Variants in ALCAM observed in about 807,000 individuals in gnomAD.
ALCAM encodes the protein CD166 antigen.
Under a neutral mutation model 70.9 loss-of-function variants are expected in ALCAM, and 30 were observed. That is an observed-to-expected ratio of 0.42 (90% CI 0.32 to 0.57). The LOEUF (loss-of-function observed/expected upper bound fraction) is 0.57. ALCAM is among the 20% of genes least tolerant of loss of function. ALCAM has a pLI of 0.11. For missense variants in ALCAM, 591 were observed against 695.1 expected (o/e 0.85, Z 1.68); for synonymous variants, 249 against 242.5 (o/e 1.03, Z -0.25).
intron 1 of ALCAM, among the ~76,000 whole-genome samples, chr3:105,392,915 T>A (rs1935860054): frequency 6.6e-6 from 1 of 151,960 alleles, no homozygotes; most frequent in Admixed American, 6.6e-5. Context: ...TCTTGAGTTC[T>A]AGTTTGATTG....
At chr3:105,537,086 C>T (rs1939988354) in intron 6 of ALCAM, among the ~76,000 whole-genome samples, 1 of 151,548 alleles carries the variant, frequency 6.6e-6, no homozygotes, top group Admixed American at 6.6e-5. Context: ...GAGTCCATTT[C>T]AAGAAAAAAA....
intron 1 of ALCAM, among the ~76,000 whole-genome samples, chr3:105,450,557 G>A (rs1290929271): frequency 6.6e-6 from 1 of 152,074 alleles, no homozygotes; most frequent in Non-Finnish European, 1.5e-5. Flanking sequence ...TTCTTTAATT[G>A]TATGGGTGCC....
chr3:105,454,731 C>T lies in ALCAM; in HGVS notation c.74-65336C>T, dbSNP rs561673505. Among the ~76,000 whole-genome samples, 371 of 125,094 alleles carry T rather than the reference C, an allele frequency of 3.0e-3. 2 individuals carry two copies. Among genetic ancestry groups the T allele is most frequent in the Middle Eastern group, 6.6e-3 (1 of 152 alleles). 82.1% of individuals were successfully genotyped at this position (125,094 alleles called of 152,430 possible). A position where few individuals can be genotyped will look rare whatever the true frequency, so the allele number is the denominator to read the frequency against. On this transcript the variant is annotated intron_variant, in intron 1 of 15. Coordinates refer to ENST00000306107, the MANE Select transcript of ALCAM (RefSeq NM_001627.4). Reference sequence around the variant, plus strand: ...GTCCCCAGGCTGGAGTGCAGTGGCGCGATCTCCGATCACTGCAACCTCTAC... The same window carrying T: ...GTCCCCAGGCTGGAGTGCAGTGGCGTGATCTCCGATCACTGCAACCTCTAC...
At chr3:105,572,195 AT>A (rs1186340337) in intron 15 of ALCAM, among the ~76,000 whole-genome samples, 2 of 152,124 alleles carry the variant, frequency 1.3e-5, no homozygotes, top group African/African-American at 4.8e-5. Context: ...TCAACCCATC[AT>A]CTACATTAGG....
intron 14 of ALCAM, among the ~76,000 whole-genome samples, chr3:105,568,182 C>T (rs1332598518): frequency 6.6e-6 from 1 of 151,492 alleles, no homozygotes; most frequent in Non-Finnish European, 1.5e-5. Context: ...CCTGCTTCAG[C>T]CTCCCAAGTA....
chr3:105,528,719 G>C lies in ALCAM; in HGVS notation c.395-3283G>C, dbSNP rs757700032. Among the ~76,000 whole-genome samples, 3 of 152,074 alleles carry C rather than the reference G, an allele frequency of 2.0e-5. No individual in the cohort carries two copies. In the South Asian group the frequency reaches 6.2e-4, roughly 32 times the overall value. The stretch of plus-strand genomic sequence containing the variant: ...ACATAGAGGAGAACAACACACACTG[G>C]GGCCTTTCAGAGGGAGGAGGGTAGG... On this transcript the variant is annotated intron_variant, in intron 3 of 15. Transcript: ENST00000306107.
At position 105,404,450 on chromosome 3, in the gene ALCAM, A is replaced by G. The variant is rs192550198; in HGVS notation, c.73+36969A>G. Among the ~76,000 whole-genome samples the G allele has an allele frequency of 9.2e-5, 14 of 152,266 alleles. No individual in the cohort carries two copies. The East Asian group carries it at 2.3e-3, about 25-fold the overall frequency. On this transcript the variant is annotated intron_variant, in intron 1 of 15. Transcript: ENST00000306107. ...TATTTTTAGCCTCCTAAACAAAACA[A>G]TTATCAGCCAAGAATTTTGTATCCA...
chr3:105,510,549 A>G (rs559473078), intron 1 of ALCAM, among the ~76,000 whole-genome samples: 124 of 152,238 alleles, frequency 8.1e-4, no homozygotes, highest in Non-Finnish European at 1.4e-3. Context: ...CACTTATTTA[A>G]TAATGTTTTA....
At chr3:105,535,639 A>G (rs1404376913) in intron 6 of ALCAM, among the ~76,000 whole-genome samples, 5 of 152,182 alleles carry the variant, frequency 3.3e-5, no homozygotes, top group African/African-American at 4.8e-5. Context: ...AGCATGCTAC[A>G]TCACACATTA....
intron 1 of ALCAM, among the ~76,000 whole-genome samples, chr3:105,470,680 A>T (rs1429220209): frequency 2.6e-5 from 4 of 151,204 alleles, no homozygotes; most frequent in Non-Finnish European, 5.9e-5. Context: ...TTTTCTGAAG[A>T]TTAGAAATAA....
intron 1 of ALCAM, among the ~76,000 whole-genome samples, chr3:105,516,896 C>T (rs983462067): frequency 3.3e-5 from 5 of 152,022 alleles, no homozygotes; most frequent in South Asian, 2.1e-4. Flanking sequence ...GGCTACAAAA[C>T]CATGAATAAT....
chr3:105,523,369 C>A (rs552429226), intron 2 of ALCAM, among the ~76,000 whole-genome samples: 3 of 152,216 alleles, frequency 2.0e-5, no homozygotes, highest in African/African-American at 4.8e-5. Context: ...GATATTTAAG[C>A]AAATAAAACT....
intron 1 of ALCAM, among the ~76,000 whole-genome samples, chr3:105,370,653 T>A (rs890793866): frequency 2.6e-5 from 4 of 152,114 alleles, no homozygotes; most frequent in African/African-American, 7.2e-5. Flanking sequence ...TAGACCCCAA[T>A]TTCTAATTTC....
At chr3:105,563,901 A>G (rs1940687163) in intron 14 of ALCAM, among the ~76,000 whole-genome samples, 1 of 149,356 alleles carries the variant, frequency 6.7e-6, no homozygotes, top group African/African-American at 2.5e-5. Context: ...GTTAGCCAGG[A>G]TGGTCTCGAT....
In ALCAM at chr3:105,366,994, C is replaced by A. The variant is rs1935073731; in HGVS notation, c.-415C>A. On this transcript the variant is annotated 5_prime_UTR_variant, in exon 1 of 16. Coordinates refer to ENST00000306107, the MANE Select transcript of ALCAM (RefSeq NM_001627.4). ...ACCCGCCGCCCCCCCGTCGCCGCCT[C>A]CTGCGAGTCCTTCTTAGCACCTGGC... 1 of 163,808 alleles carries A rather than the reference C, an allele frequency of 6.1e-6. No individual in the cohort carries two copies. The highest frequency in any genetic ancestry group is 1.3e-4 in the South Asian group (1 of 7,844). The allele number at this position is 163,808 out of a possible 1,614,324, so 10.1% of individuals were successfully genotyped here.
chr3:105,407,436 G>A (rs1051389503), intron 1 of ALCAM, among the ~76,000 whole-genome samples: 3 of 151,854 alleles, frequency 2.0e-5, no homozygotes, highest in Non-Finnish European at 2.9e-5. Flanking sequence ...CAATAGATGC[G>A]ATACACCACA....
chr3:105,526,319 A>T (rs1310818069), intron 3 of ALCAM, among the ~76,000 whole-genome samples: 3 of 151,866 alleles, frequency 2.0e-5, no homozygotes, highest in Non-Finnish European at 4.4e-5. Flanking sequence ...GCTATTCCTC[A>T]TATGCAAGAA....
intron 1 of ALCAM, among the ~76,000 whole-genome samples, chr3:105,402,771 C>T (rs1936120300): frequency 6.6e-6 from 1 of 151,908 alleles, no homozygotes; most frequent in Non-Finnish European, 1.5e-5. Flanking sequence ...CACGTCTATC[C>T]CTGCCCCTAC....
In ALCAM at chr3:105,534,801, G is replaced by T. The variant is rs10933819; in HGVS notation, c.686G>T (p.Gly229Val). 3.7e-6 allele frequency: 6 copies of T among 1,613,506 alleles called. No individual in the cohort carries two copies. In the Admixed American group the frequency reaches 1.0e-4, roughly 27 times the overall value. The stretch of plus-strand genomic sequence containing the variant: ...TCGGTGACATATTATGGACCATCTG[G>T]CCAGAAAACAATTCATTCTGAACAG... ...TCSVTYYGPS[G>V]QKTIHSEQAV... Residue 229 changes from glycine (G) to valine (V), a missense_variant, in exon 6 of 16, where the codon GGC becomes GTC. Gly to Val is a moderately radical substitution (Grantham distance 109). Transcript: ENST00000306107.
Sources: allele counts gnomAD v4.1 joint callset (sites outside exome capture counted in the v4.1 genomes callset), GRCh38; gene constraint gnomAD v4.1.1; transcripts MANE v1.5; gene names NCBI Gene and HGNC (gene_info 2026-07-23, HGNC 2026-07-21).